The following IQGAP2 variants were observed in gnomAD, a reference collection of about 807,000 sequenced individuals.
IQGAP2 encodes the protein ras GTPase-activating-like protein IQGAP2.
Under a neutral mutation model 201.3 loss-of-function variants are expected in IQGAP2, and 173 were observed. The ratio of observed to expected loss-of-function variants is 0.86; its 90% CI spans 0.76 to 0.98. IQGAP2 has a LOEUF of 0.98. IQGAP2 is among the 50% of genes least tolerant of loss of function. IQGAP2 has a pLI of 0.00. For missense variants in IQGAP2, 1,687 were observed against 1,864.8 expected, an observed-to-expected ratio of 0.90 and a Z score of 1.76; for synonymous variants, 675 against 673.9, an observed-to-expected ratio of 1.00 and a Z score of -0.03.
At chr5:76,437,730 T>C (rs1463473325) in intron 1 of IQGAP2, among the ~76,000 whole-genome samples, 1 of 152,240 alleles carries the variant, frequency 6.6e-6, no homozygotes, top group East Asian at 1.9e-4. Context: ...GGCTGCATAG[T>C]ATTCCATGGT....
chr5:76,695,523 C>A lies in IQGAP2; in HGVS notation c.4063C>A (p.His1355Asn). 6.2e-7 allele frequency: 1 copy of A among 1,614,116 alleles called. No individual in the cohort carries two copies. Residue 1355 changes from histidine (H) to asparagine (N), a missense_variant, in exon 32 of 36, where the codon CAT (histidine) becomes AAT (asparagine). By Grantham distance (68) the His-to-Asn change is moderately conservative. Transcript: ENST00000274364. ...IDSRTPEEMKHSQSMIEDAQL... is the reference protein window; with the variant it reads ...IDSRTPEEMKNSQSMIEDAQL... ...TTCCAGGACTCCAGAAGAAATGAAG[C>A]ATAGCCAATCTATGATTGAAGATGC...
intron 4 of IQGAP2, among the ~76,000 whole-genome samples, chr5:76,573,974 G>A (rs976846203): frequency 2.0e-5 from 3 of 151,856 alleles, no homozygotes; most frequent in Admixed American, 1.3e-4. Flanking sequence ...AAGGAAAGTT[G>A]GAAAGGCTTT....
chr5:76,611,131 A>C lies in IQGAP2; in HGVS notation c.1469A>C (p.His490Pro). 1 of 1,614,042 alleles carries C rather than the reference A, an allele frequency of 6.2e-7. No homozygotes were observed. The highest frequency in any genetic ancestry group is 1.1e-5 in the South Asian group (1 of 91,066). ...TANISDVDPA[H>P]AQHYQDVLYH... is the part of the protein sequence containing the mutation. The stretch of plus-strand genomic sequence containing the variant: ...AATATTAGTGATGTGGACCCAGCCC[A>C]TGCCCAGCACTACCAGGATGTTTTA... Residue 490 changes from histidine (H) to proline (P), a missense_variant, in exon 13 of 36, where the codon CAT (histidine) becomes CCT (proline). Transcript: ENST00000274364.
chr5:76,566,874 T>C (rs528624844), intron 3 of IQGAP2, among the ~76,000 whole-genome samples: 8 of 151,760 alleles, frequency 5.3e-5, no homozygotes, highest in Non-Finnish European at 1.2e-4. Flanking sequence ...ATGGGGTGTT[T>C]GGTGGTGAAG....
intron 1 of IQGAP2, among the ~76,000 whole-genome samples, chr5:76,431,316 A>G (rs982521056): frequency 1.3e-5 from 2 of 152,008 alleles, no homozygotes; most frequent in African/African-American, 4.8e-5. Context: ...ATTTATAAAT[A>G]TAAAAATATA....
At chr5:76,652,000 A>C (rs1244684303) in intron 17 of IQGAP2, among the ~76,000 whole-genome samples, 1 of 151,720 alleles carries the variant, frequency 6.6e-6, no homozygotes, top group Non-Finnish European at 1.5e-5. Flanking sequence ...TTCCTTTCTA[A>C]TTTGAAAAAC....
intron 4 of IQGAP2, among the ~76,000 whole-genome samples, chr5:76,574,461 G>A (rs772330023): frequency 2.0e-5 from 3 of 151,688 alleles, no homozygotes; most frequent in African/African-American, 2.4e-5. Flanking sequence ...GCACCACCAC[G>A]CCTGGCTAAT....
intron 2 of IQGAP2, among the ~76,000 whole-genome samples, chr5:76,478,605 G>T (rs576438365): frequency 1.3e-5 from 2 of 152,158 alleles, no homozygotes; most frequent in African/African-American, 2.4e-5. Context: ...TGTAATCCCA[G>T]CTACAGGCCG....
intron 34 of IQGAP2, 55 bp downstream of exon 34, chr5:76,701,268 C>A (rs571853236): frequency 6.9e-5 from 108 of 1,564,892 alleles, no homozygotes; most frequent in Admixed American, 6.8e-4. Flanking sequence ...TTTCTTGTGG[C>A]CTTGGAGAGA....
intron 2 of IQGAP2, among the ~76,000 whole-genome samples, chr5:76,520,139 G>GT (rs529317441): frequency 0.011 from 1,638 of 148,804 alleles, 11 homozygotes; most frequent in Non-Finnish European, 0.017. Context: ...TTCCCTGGGT[G>GT]TTTTTTTTTC....
At chr5:76,530,530 T>C (rs1421257542) in intron 2 of IQGAP2, among the ~76,000 whole-genome samples, 1 of 152,088 alleles carries the variant, frequency 6.6e-6, no homozygotes, top group Non-Finnish European at 1.5e-5. Context: ...CAAAGTACAG[T>C]TTTGTTGCTG....
chr5:76,570,010 A>G (rs1745003235), intron 3 of IQGAP2, among the ~76,000 whole-genome samples: 1 of 152,322 alleles, frequency 6.6e-6, no homozygotes, highest in Admixed American at 6.5e-5. Flanking sequence ...TTTCTTATAT[A>G]CAAGGCCAAG....
Position 76,611,035 on chromosome 5 carries a change from G to A in IQGAP2, c.1373G>A (p.Gly458Glu), listed in dbSNP as rs1748358576. 1 of 1,612,406 alleles carries A rather than the reference G, an allele frequency of 6.2e-7. No individual in the cohort carries two copies. The highest frequency in any genetic ancestry group is 1.3e-5 in the African/African-American group (1 of 74,832). Residue 458 changes from glycine to glutamate, a missense_variant, in exon 13 of 36, where the codon GGG becomes GAG. Physicochemically the swap from Gly to Glu is moderately conservative, Grantham distance 98. Coordinates refer to ENST00000274364, the MANE Select transcript of IQGAP2 (RefSeq NM_006633.5). ...QEENDRVVAV[G>E]YINEAIDEGN... ...CATTTTCTAGGAGTTGTAGCTGTAGGGTACATCAATGAAGCTATTGATGAA... is the reference window on the plus strand; with the variant it reads ...CATTTTCTAGGAGTTGTAGCTGTAGAGTACATCAATGAAGCTATTGATGAA...
Position 76,695,514 on chromosome 5 carries a change from G to A in IQGAP2, c.4054G>A (p.Glu1352Lys), listed in dbSNP as rs761823475. The part of the protein sequence containing the change: ...RAMIDSRTPE[E>K]MKHSQSMIED... ...AATGATAGATTCCAGGACTCCAGAAGAAATGAAGCATAGCCAATCTATGAT... is the reference window on the plus strand; with the variant it reads ...AATGATAGATTCCAGGACTCCAGAAAAAATGAAGCATAGCCAATCTATGAT... The change falls in exon 32 of 36, where the codon GAA becomes AAA. Residue 1352 changes from glutamate (E) to lysine (K), a missense_variant. Physicochemically the swap from Glu to Lys is moderately conservative, Grantham distance 56. Transcript: ENST00000274364. The A allele has an allele frequency of 1.2e-6, 2 of 1,614,192 alleles. No homozygotes were observed. The highest frequency in any genetic ancestry group is 1.7e-6 in the Non-Finnish European group (2 of 1,180,024).
intron 1 of IQGAP2, among the ~76,000 whole-genome samples, chr5:76,450,127 C>A (rs1254578427): frequency 6.6e-6 from 1 of 152,172 alleles, no homozygotes; most frequent in Non-Finnish European, 1.5e-5. Context: ...ATGTTTGCAG[C>A]TTTGTTGCCC....
intron 2 of IQGAP2, among the ~76,000 whole-genome samples, chr5:76,530,170 A>G (rs1231173573): frequency 6.6e-6 from 1 of 152,216 alleles, no homozygotes; most frequent in African/African-American, 2.4e-5. Flanking sequence ...GAGTTTGAAT[A>G]AAACTTTATA....
chr5:76,646,195 G>T (rs956686878), intron 17 of IQGAP2, among the ~76,000 whole-genome samples: 1 of 152,144 alleles, frequency 6.6e-6, no homozygotes, highest in Non-Finnish European at 1.5e-5. Flanking sequence ...AGTGACCCAC[G>T]ATTAGGGTCC....
At chr5:76,478,365 C>T (rs747568701) in intron 2 of IQGAP2, among the ~76,000 whole-genome samples, 9 of 152,218 alleles carry the variant, frequency 5.9e-5, no homozygotes, top group Non-Finnish European at 1.2e-4. Context: ...CGTGCCACTG[C>T]ACTTCAGCCT....
chr5:76,428,245 A>G (rs1430555216), intron 1 of IQGAP2, among the ~76,000 whole-genome samples: 2 of 151,900 alleles, frequency 1.3e-5, no homozygotes, highest in Non-Finnish European at 2.9e-5. Flanking sequence ...TTCCTAGCTC[A>G]GTGCTGCCCT....
Sources: allele counts gnomAD v4.1 joint callset (sites outside exome capture counted in the v4.1 genomes callset), GRCh38; gene constraint gnomAD v4.1.1; transcripts MANE v1.5; gene names NCBI Gene and HGNC (gene_info 2026-07-23, HGNC 2026-07-21).